Variants in RAB3GAP2 observed in about 807,000 individuals in gnomAD.
RAB3GAP2 encodes rab3 GTPase-activating protein non-catalytic subunit.
Under a neutral mutation model 185.3 loss-of-function variants are expected in RAB3GAP2, and 87 were observed. The ratio of observed to expected loss-of-function variants is 0.47; its 90% CI spans 0.39 to 0.56. The LOEUF is 0.56. RAB3GAP2 is among the 20% of genes least tolerant of loss of function. The pLI is 0.00. For synonymous variants in RAB3GAP2, 554 were observed against 576.1 expected, an observed-to-expected ratio of 0.96 and a Z score of 0.55; for missense variants, 1,492 against 1,638.2, an observed-to-expected ratio of 0.91 and a Z score of 1.54.
chr1:220,256,860 A>T (rs1660040290), intron 1 of RAB3GAP2, among the ~76,000 whole-genome samples: 1 of 152,194 alleles, frequency 6.6e-6, no homozygotes, highest in Non-Finnish European at 1.5e-5. Context: ...ATTAACAAAG[A>T]TATTCAGGAC....
At chr1:220,226,515 G>A (rs1248842412) in intron 2 of RAB3GAP2, among the ~76,000 whole-genome samples, 1 of 150,860 alleles carries the variant, frequency 6.6e-6, no homozygotes, top group Non-Finnish European at 1.5e-5. Flanking sequence ...CTTTTCCAAT[G>A]TCCCCAAGCC....
At chr1:220,199,255 T>C (rs1658795036) in intron 9 of RAB3GAP2, among the ~76,000 whole-genome samples, 1 of 152,124 alleles carries the variant, frequency 6.6e-6, no homozygotes, top group Non-Finnish European at 1.5e-5. Flanking sequence ...AATTATTCAG[T>C]AGGGAGCTGG....
intron 1 of RAB3GAP2, among the ~76,000 whole-genome samples, chr1:220,252,648 T>C (rs1284890746): frequency 6.6e-6 from 1 of 152,218 alleles, no homozygotes; most frequent in Non-Finnish European, 1.5e-5. Flanking sequence ...GTAATTGTGC[T>C]ACCCTACCTG....
chr1:220,262,306 A>AAAACAAAC (rs372184937), intron 1 of RAB3GAP2, among the ~76,000 whole-genome samples: 3 of 151,846 alleles, frequency 2.0e-5, no homozygotes, highest in East Asian at 1.9e-4. Flanking sequence ...GTCTCAAGAA[A>AAAACAAAC]AAACAAACAA....
intron 2 of RAB3GAP2, among the ~76,000 whole-genome samples, chr1:220,229,094 T>C (rs1032036776): frequency 1.5e-4 from 23 of 152,276 alleles, no homozygotes; most frequent in African/African-American, 5.5e-4. Flanking sequence ...AGGTCAGATA[T>C]AAAGGAAATG....
intron 1 of RAB3GAP2, among the ~76,000 whole-genome samples, chr1:220,245,612 G>C (rs1021921107): frequency 6.6e-6 from 1 of 152,154 alleles, no homozygotes; most frequent in East Asian, 1.9e-4. Flanking sequence ...CCATTGCCCA[G>C]GCTTGCTTAG....
chr1:220,151,015 C>A lies in RAB3GAP2; in HGVS notation c.*236G>T, dbSNP rs1203313911. ...GAATTAGAAATAAACAGTAAAACAT[C>A]TGTATTAATTATAACAGAGTTGACA... is the stretch of plus-strand genomic sequence containing the variant. On this transcript the variant is annotated 3_prime_UTR_variant, in exon 35 of 35. Transcript: ENST00000358951. The A allele has an allele frequency of 8.6e-6, 4 of 464,132 alleles. No individual in the cohort carries two copies. The highest frequency in any genetic ancestry group is 1.5e-5 in the Non-Finnish European group (4 of 265,196). The allele number at this position is 464,132 out of a possible 1,614,324, so 28.8% of individuals were successfully genotyped here. A position where few individuals can be genotyped will look rare whatever the true frequency, so the allele number is the denominator to read the frequency against.
intron 7 of RAB3GAP2, among the ~76,000 whole-genome samples, chr1:220,206,458 C>T (rs991351016): frequency 1.3e-5 from 2 of 152,116 alleles, no homozygotes; most frequent in African/African-American, 4.8e-5. Flanking sequence ...GATATTTTTC[C>T]ATTTCAATAA....
Position 220,214,130 on chromosome 1 carries a change from T to G in RAB3GAP2, c.181-151A>C, listed in dbSNP as rs558563884. The G allele has an allele frequency of 3.2e-5, 25 of 786,242 alleles. No homozygotes were observed. The African/African-American group carries it at 4.0e-4, about 13-fold the overall frequency. The allele number at this position is 786,242 out of a possible 1,614,324, so 48.7% of individuals were successfully genotyped here. ...TTTCATAATATTCCTTATCAAAACA[T>G]GCCAAAGATGGCTGACAAACAAAAT... On this transcript the variant is annotated intron_variant, in intron 2 of 34. Coordinates refer to ENST00000358951, the MANE Select transcript of RAB3GAP2 (RefSeq NM_012414.4).
intron 1 of RAB3GAP2, among the ~76,000 whole-genome samples, chr1:220,250,651 C>A (rs1174456503): frequency 6.6e-6 from 1 of 152,112 alleles, no homozygotes; most frequent in African/African-American, 2.4e-5. Context: ...TTGAATTGTA[C>A]TTCAGATAAT....
chr1:220,184,090 A>G lies in RAB3GAP2; in HGVS notation c.1944T>C (p.Ser648=). ...AATCAAGGGAATTTAATTGACTGAC[A>G]GACTCATAGAGTTGCAGCAGTTTTA... The part of the protein sequence containing the change: ...NKLKLLQLYE[S]VSQLNSLDFH... The change falls in exon 19 of 35, where the codon TCT becomes TCC. Residue 648 remains serine (S), a synonymous_variant. Coordinates refer to ENST00000358951, the MANE Select transcript of RAB3GAP2 (RefSeq NM_012414.4). 5 of 1,602,808 alleles carry G rather than the reference A, an allele frequency of 3.1e-6. No individual in the cohort carries two copies. The highest frequency in any genetic ancestry group is 3.4e-6 in the Non-Finnish European group (4 of 1,170,086).
Position 220,265,636 on chromosome 1 carries a change from A to G in RAB3GAP2, c.115+6587T>C, listed in dbSNP as rs184863100. Among the ~76,000 whole-genome samples the G allele has an allele frequency of 2.5e-4, 38 of 152,244 alleles. 1 individual carries two copies. The highest frequency in any genetic ancestry group is 2.2e-3 in the Admixed American group (33 of 15,282). On this transcript the variant is annotated intron_variant, in intron 1 of 34. Coordinates refer to ENST00000358951, the MANE Select transcript of RAB3GAP2 (RefSeq NM_012414.4). ...TACTCCACCCATCCCTGCAACTTCA[A>G]AGTAATAAACCAGGGAGAGTGGCTC...
At chr1:220,155,225 C>G (rs1421891789) in intron 31 of RAB3GAP2, among the ~76,000 whole-genome samples, 1 of 152,176 alleles carries the variant, frequency 6.6e-6, no homozygotes, top group African/African-American at 2.4e-5. Context: ...CACTTCCATC[C>G]AGGTTGCCTT....
intron 1 of RAB3GAP2, chr1:220,267,915 G>A (rs752690671): frequency 1.8e-5 from 13 of 727,592 alleles, no homozygotes; most frequent in East Asian, 2.5e-5. Context: ...AGATTGGTCC[G>A]TGATGCCTAT....
intron 13 of RAB3GAP2, 133 bp from the exon 14 acceptor site, chr1:220,191,417 G>A: frequency 1.5e-6 from 1 of 654,390 alleles, no homozygotes; most frequent in Non-Finnish European, 2.7e-6. Context: ...TTTTTATTAT[G>A]GAATATCTTA....
Position 220,172,706 on chromosome 1 carries a change from C to T in RAB3GAP2, c.2347G>A (p.Asp783Asn), listed in dbSNP as rs777579187. 6.2e-7 allele frequency: 1 copy of T among 1,613,092 alleles called. No homozygotes were observed. Among genetic ancestry groups the T allele is most frequent in the East Asian group, 2.2e-5 (1 of 44,860 alleles). The change falls in exon 22 of 35, where the codon GAT becomes AAT. Residue 783 changes from aspartate (D) to asparagine (N), a missense_variant. Around this residue, in one of 5 missense-constraint regions of RAB3GAP2, gnomAD observed 681 missense variants for 689.1 expected, o/e 0.99. Transcript: ENST00000358951. ...ATTGACTGTGGTTTATCCAAAATAT[C>T]CTTTTCCTTTGAAAGCCAAACACTC... Reference protein sequence around the residue: ...LLSVWLSKEKDILDKPQSICC... With the variant: ...LLSVWLSKEKNILDKPQSICC...
At chr1:220,268,418 A>G (rs963315050) in intron 1 of RAB3GAP2, among the ~76,000 whole-genome samples, 5 of 152,244 alleles carry the variant, frequency 3.3e-5, no homozygotes, top group African/African-American at 1.2e-4. Context: ...CTTCTTGAAT[A>G]CCGTAGAGTA....
In RAB3GAP2 at chr1:220,165,601, G is replaced by A. The variant is rs1035843133; in HGVS notation, c.3088-802C>T. ...CCTTATAAAATTGTGTGTGTCAAATGGTGGAGCTGAGACTGGTTGGATGGG... is the reference window on the plus strand; with the variant it reads ...CCTTATAAAATTGTGTGTGTCAAATAGTGGAGCTGAGACTGGTTGGATGGG... On this transcript the variant is annotated intron_variant, in intron 26 of 34. Transcript: ENST00000358951. Among the ~76,000 whole-genome samples the A allele has an allele frequency of 3.3e-5, 5 of 152,136 alleles. No individual in the cohort carries two copies. The South Asian group carries it at 1.0e-3, about 32-fold the overall frequency.
intron 23 of RAB3GAP2, 83 bp from the exon 24 acceptor site, chr1:220,171,203 T>C: frequency 1.7e-6 from 2 of 1,211,186 alleles, no homozygotes; most frequent in Non-Finnish European, 2.4e-6. Context: ...TGAAAGCTGA[T>C]GGATACTGAG....
Sources: allele counts gnomAD v4.1 joint callset (sites outside exome capture counted in the v4.1 genomes callset), GRCh38; gene constraint gnomAD v4.1.1; regional missense constraint gnomAD v4.1.1; transcripts MANE v1.5; gene names NCBI Gene and HGNC (gene_info 2026-07-23, HGNC 2026-07-21).